The following UBR2 variants were observed in gnomAD, a reference collection of about 807,000 sequenced individuals.
UBR2 encodes the protein ubiquitin protein ligase E3 component n-recognin 2.
UBR2 carries 92 observed loss-of-function variants against 247.9 expected under a neutral mutation model. That is an observed-to-expected ratio of 0.37 (90% CI 0.31 to 0.44). UBR2 has a LOEUF of 0.44. Ranked by LOEUF, UBR2 falls within the 20% of genes least tolerant of loss-of-function variation. The pLI is 1.00. For synonymous variants in UBR2, 672 were observed against 693.5 expected (o/e 0.97, Z 0.49); for missense variants, 1,613 against 2,112.6 (o/e 0.76, Z 4.64).
chr6:42,587,563 G>A (rs937812148), intron 2 of UBR2, among the ~76,000 whole-genome samples: 2 of 152,080 alleles, frequency 1.3e-5, no homozygotes, highest in African/African-American at 4.8e-5. Context: ...TCACCGTGTT[G>A]CCAGGGCTGG....
chr6:42,624,782 A>G (rs556901520), intron 11 of UBR2, among the ~76,000 whole-genome samples: 14 of 152,186 alleles, frequency 9.2e-5, no homozygotes, highest in Non-Finnish European at 1.8e-4. Flanking sequence ...CTGAAAAGGC[A>G]TCTCAAAAAG....
intron 8 of UBR2, among the ~76,000 whole-genome samples, chr6:42,614,346 A>ATGTG (rs771602537): frequency 9.7e-5 from 6 of 61,990 alleles, no homozygotes; most frequent in East Asian, 1.7e-3. Context: ...GTATGTGTGT[A>ATGTG]TGTATGTGTG....
rs1314911429 is a variant in UBR2 at position 42,659,554 on chromosome 6, C to CT, written c.3243-102_3243-101insT. 143 of 807,558 alleles carry CT rather than the reference C, an allele frequency of 1.8e-4. No homozygotes were observed. Among genetic ancestry groups the CT allele is most frequent in the African/African-American group, 9.6e-4 (53 of 55,178 alleles). 50.0% of individuals were successfully genotyped at this position (807,558 alleles called of 1,614,324 possible). A position where few individuals can be genotyped will look rare whatever the true frequency, so the allele number is the denominator to read the frequency against. On this transcript the variant is annotated intron_variant, in intron 29 of 46. Transcript: ENST00000372901. The surrounding 1 kb of genome is among the most constrained non-coding windows in gnomAD (Gnocchi z 4.3). ...ACACACACACACACACACACACACA[C>CT]ACACACACTACACACACACACACAT...
chr6:42,683,099 G>C lies in UBR2; in HGVS notation c.4763G>C (p.Arg1588Thr). 1 of 1,612,642 alleles carries C rather than the reference G, an allele frequency of 6.2e-7. No homozygotes were observed. The highest frequency in any genetic ancestry group is 1.7e-5 in the Admixed American group (1 of 59,800). ...GTTAAAAGATATCTAGAAGGTGAAA[G>C]AGATGCTATAAGGTAAGTTAAAGAG... ...SEVKRYLEGE[R>T]DAIRYPRESN... Residue 1588 changes from arginine to threonine, a missense_variant, in exon 43 of 47, where the codon AGA (arginine) becomes ACA (threonine). Around this residue, in one of 3 missense-constraint regions of UBR2, gnomAD observed 1,524 missense variants for 1,967.3 expected, o/e 0.77. Transcript: ENST00000372901.
intron 2 of UBR2, among the ~76,000 whole-genome samples, chr6:42,586,573 A>G (rs548602124): frequency 1.4e-4 from 11 of 79,272 alleles, no homozygotes; most frequent in Middle Eastern, 7.8e-3. Context: ...CTCTGTTCCT[A>G]ATTTTCCTAA....
chr6:42,663,009 A>C (rs1310274670), intron 31 of UBR2, among the ~76,000 whole-genome samples: 1 of 151,814 alleles, frequency 6.6e-6, no homozygotes, highest in African/African-American at 2.4e-5. Flanking sequence ...CAATGACACC[A>C]AGAAATTTTT....
intron 44 of UBR2, among the ~76,000 whole-genome samples, chr6:42,686,544 C>T (rs183886797): frequency 6.6e-5 from 10 of 152,286 alleles, no homozygotes; most frequent in East Asian, 3.9e-4. Context: ...CTTTTCTATT[C>T]GACAAAACCG....
chr6:42,685,686 G>A (rs1799344653), intron 44 of UBR2, among the ~76,000 whole-genome samples: 1 of 151,756 alleles, frequency 6.6e-6, no homozygotes, highest in African/African-American at 2.4e-5. Context: ...TGGGATTACA[G>A]GCATGAGCCA....
intron 2 of UBR2, among the ~76,000 whole-genome samples, chr6:42,587,877 T>A (rs1792395624): frequency 1.3e-5 from 2 of 151,580 alleles, no homozygotes; most frequent in South Asian, 4.2e-4. Context: ...TATTTTTTTC[T>A]CCCTTTTTTT....
intron 44 of UBR2, among the ~76,000 whole-genome samples, chr6:42,685,579 C>G (rs1268349158): frequency 6.6e-6 from 1 of 151,746 alleles, no homozygotes; most frequent in Non-Finnish European, 1.5e-5. Context: ...ATTCTTGTAC[C>G]TCAGCCTCCT....
chr6:42,619,451 A>AATTTTTTTTTTTT (rs1554251924), intron 11 of UBR2: 1 of 22,998 alleles, frequency 4.3e-5, no homozygotes, highest in African/African-American at 1.1e-4. Flanking sequence ...ATATATATAT[A>AATTTTTTTTTTTT]TATTTTTTTT....
At chr6:42,622,154 TAC>T (rs904213697) in intron 11 of UBR2, among the ~76,000 whole-genome samples, 8 of 152,008 alleles carry the variant, frequency 5.3e-5, no homozygotes, top group Admixed American at 2.6e-4. Context: ...TAGCTGGGAT[TAC>T]AGACACCTGC....
intron 46 of UBR2, among the ~76,000 whole-genome samples, chr6:42,690,261 T>C (rs754253582): frequency 5.3e-5 from 8 of 152,242 alleles, no homozygotes; most frequent in Non-Finnish European, 4.4e-5. Context: ...CAGCCTTAAG[T>C]AGCAGATGTT....
chr6:42,630,224 G>A (rs572673193), intron 11 of UBR2, among the ~76,000 whole-genome samples: 17 of 148,416 alleles, frequency 1.1e-4, no homozygotes, highest in Admixed American at 1.0e-3. Context: ...TTGCTCTGTC[G>A]CCTAGGCTGG....
chr6:42,619,444 TATATATATA>T lies in UBR2; in HGVS notation c.1281+1938_1281+1946del, dbSNP rs1219121230. ...ATATATATATATATATATATATATATATATATATATTTTTTTTTTTTAGTTCTCTATCTC... is the reference window on the plus strand; with the variant it reads ...ATATATATATATATATATATATATATTTTTTTTTTTTTAGTTCTCTATCTC... On this transcript the variant is annotated intron_variant, in intron 11 of 46. Coordinates refer to ENST00000372901, the MANE Select transcript of UBR2 (RefSeq NM_001363705.2). 6.0e-4 allele frequency: 24 copies of T among 39,994 alleles called. 1 individual carries two copies. The highest frequency in any genetic ancestry group is 3.7e-3 in the South Asian group (4 of 1,076). The allele number at this position is 39,994 out of a possible 1,614,324, so 2.5% of individuals were successfully genotyped here. A position where few individuals can be genotyped will look rare whatever the true frequency, so the allele number is the denominator to read the frequency against.
At chr6:42,603,553 TTTTC>T (rs1453150271) in intron 4 of UBR2, 31 bp from the exon 5 acceptor site, 17 of 1,514,020 alleles carry the variant, frequency 1.1e-5, no homozygotes, top group African/African-American at 1.4e-5. Flanking sequence ...ATTGCCCTTT[TTTTC>T]TTTTTCTTTT....
intron 5 of UBR2, among the ~76,000 whole-genome samples, chr6:42,604,495 G>A (rs1339109919): frequency 6.6e-6 from 1 of 151,706 alleles, no homozygotes; most frequent in Non-Finnish European, 1.5e-5. Context: ...TGATGAAAAT[G>A]ACTTAGTACC....
At chr6:42,610,808 C>T (rs1011943794) in intron 7 of UBR2, among the ~76,000 whole-genome samples, 2 of 150,754 alleles carry the variant, frequency 1.3e-5, no homozygotes, top group South Asian at 2.1e-4. Context: ...GAACTGTACA[C>T]GTAAAAATGG....
intron 4 of UBR2, among the ~76,000 whole-genome samples, chr6:42,596,491 A>G (rs973121860): frequency 1.3e-5 from 2 of 152,186 alleles, no homozygotes; most frequent in African/African-American, 4.8e-5. Context: ...ATATATACCC[A>G]AAAGAACTGA....
Sources: gnomAD v4.1 joint callset for allele counts (sites outside exome capture counted in the v4.1 genomes callset) on GRCh38, gnomAD v4.1.1 for gene constraint, gnomAD v4.1.1 regional missense constraint, Gnocchi (gnomAD v3.1) non-coding constraint, MANE v1.5 for transcripts, NCBI Gene and HGNC (gene_info 2026-07-23, HGNC 2026-07-21) for gene names.